DHRS7B: variants seen among roughly 807,000 people sequenced by gnomAD.
DHRS7B encodes the protein dehydrogenase/reductase 7B.
In DHRS7B, 24 loss-of-function variants were observed where a neutral mutation model predicts 26.4. That is an observed-to-expected ratio of 0.91 (90% confidence interval 0.66 to 1.28). The LOEUF (loss-of-function observed/expected upper bound fraction) is 1.28, where lower values mean the gene tolerates loss of function less well. Among genes scored for constraint, DHRS7B ranks in the 50% most tolerant of loss-of-function variants. DHRS7B has a pLI of 0.00. For missense variants in DHRS7B, 368 were observed against 419.4 expected (o/e 0.88, Z 1.07); for synonymous variants, 142 against 166.4 (o/e 0.85, Z 1.13).
chr17:21,132,550 CAA>C (rs1053748217), intron 1 of DHRS7B, among the ~76,000 whole-genome samples: 1 of 98,086 alleles, frequency 1.0e-5, no homozygotes, highest in Non-Finnish European at 2.1e-5. Context: ...AAAAAAAAAA[CAA>C]AAAAAAAACA....
intron 1 of DHRS7B, among the ~76,000 whole-genome samples, chr17:21,139,979 T>C (rs761747265): frequency 3.3e-5 from 5 of 151,302 alleles, no homozygotes; most frequent in Non-Finnish European, 7.4e-5. Flanking sequence ...GTACATTTTG[T>C]AGATTCATAG....
chr17:21,130,161 G>T (rs1360860702), intron 1 of DHRS7B, among the ~76,000 whole-genome samples: 2 of 152,246 alleles, frequency 1.3e-5, no homozygotes, highest in Admixed American at 1.3e-4. Flanking sequence ...ACTTTGGGAG[G>T]CTGAGGAGGG....
At chr17:21,142,562 C>G (rs1567617620) in intron 1 of DHRS7B, among the ~76,000 whole-genome samples, 1 of 152,108 alleles carries the variant, frequency 6.6e-6, no homozygotes, top group Non-Finnish European at 1.5e-5. Flanking sequence ...GGTTGGGGAA[C>G]AGCTTAGTTT....
Position 21,150,237 on chromosome 17 carries a change from T to A in DHRS7B, c.21-21781T>A, listed in dbSNP as rs1310255525. 2.6e-5 allele frequency among the ~76,000 whole-genome samples: 4 copies of A among 151,730 alleles called. No homozygotes were observed. The East Asian group carries it at 7.7e-4, about 29-fold the overall frequency. ...GTAAATCTCCTAGAAAACCAACCTA[T>A]TAAAAAAGTATGAAACAGGATGAAA... On this transcript the variant is annotated intron_variant, in intron 1 of 6. Transcript: ENST00000395511.
chr17:21,165,473 G>A (rs1294943176), intron 1 of DHRS7B, among the ~76,000 whole-genome samples: 1 of 151,908 alleles, frequency 6.6e-6, no homozygotes, highest in Non-Finnish European at 1.5e-5. Flanking sequence ...CTACAGGCGC[G>A]TGCCACCATG....
chr17:21,184,361 C>G lies in DHRS7B; in HGVS notation c.527-10C>G. The G allele has an allele frequency of 6.2e-7, 1 of 1,611,354 alleles. No homozygotes were observed. The highest frequency in any genetic ancestry group is 8.5e-7 in the Non-Finnish European group (1 of 1,179,084). On this transcript the variant is annotated splice_polypyrimidine_tract_variant and intron_variant, in intron 4 of 6. Transcript: ENST00000395511. ...AGGGCGCTTGCCTAAGCCTCTGCAT[C>G]TGTCCTCAGCACTCCTGCCCTCCAT...
intron 2 of DHRS7B, among the ~76,000 whole-genome samples, chr17:21,177,652 C>T (rs896077175): frequency 6.6e-5 from 10 of 152,322 alleles, no homozygotes; most frequent in Middle Eastern, 6.8e-3. Context: ...TTGTTAGACC[C>T]TCCACCTTCT....
At chr17:21,171,838 A>G in intron 1 of DHRS7B, 180 bp from the exon 2 acceptor site, 1 of 766,682 alleles carries the variant, frequency 1.3e-6, no homozygotes, top group Non-Finnish European at 2.3e-6. Context: ...AGAGGAAGAA[A>G]GTTCTACAAT....
intron 1 of DHRS7B, among the ~76,000 whole-genome samples, chr17:21,136,466 C>G (rs1339386988): frequency 6.6e-6 from 1 of 151,280 alleles, no homozygotes. Flanking sequence ...GAGCCGAGAT[C>G]ACACCTTTGC....
At chr17:21,147,790 G>A (rs1973673935) in intron 1 of DHRS7B, among the ~76,000 whole-genome samples, 1 of 152,318 alleles carries the variant, frequency 6.6e-6, no homozygotes, top group East Asian at 1.9e-4. Context: ...AGGCAGGTCT[G>A]CCATCCCCAG....
intron 1 of DHRS7B, among the ~76,000 whole-genome samples, chr17:21,143,340 G>A (rs1318107454): frequency 1.3e-5 from 2 of 152,172 alleles, no homozygotes; most frequent in Non-Finnish European, 2.9e-5. Flanking sequence ...GGGATTACAG[G>A]CGTGAGCCAC....
intron 3 of DHRS7B, among the ~76,000 whole-genome samples, chr17:21,181,604 T>C (rs1441000460): frequency 6.6e-6 from 1 of 152,220 alleles, no homozygotes; most frequent in Admixed American, 6.5e-5. Flanking sequence ...AATCCATTCA[T>C]GAAGTTCCCA....
chr17:21,142,865 C>G (rs898978520), intron 1 of DHRS7B, among the ~76,000 whole-genome samples: 1 of 152,182 alleles, frequency 6.6e-6, no homozygotes, highest in Admixed American at 6.5e-5. Flanking sequence ...TGAGCAGTTC[C>G]TAGCTTGAAG....
rs766121336 is a variant in DHRS7B, at chr17:21,172,129, G to A, written c.132G>A (p.Val44=). The A allele has an allele frequency of 2.7e-5, 43 of 1,614,126 alleles. No homozygotes were observed. The East Asian group carries it at 5.6e-4, about 21-fold the overall frequency. ...VFGLFRLLQW[V]RGKAYLRNAV... is the part of the protein sequence containing the mutation. Reference sequence around the variant, plus strand: ...GCCTCTTCCGGCTGCTGCAGTGGGTGCGCGGGAAGGCCTACCTGCGGAATG... The same window carrying A: ...GCCTCTTCCGGCTGCTGCAGTGGGTACGCGGGAAGGCCTACCTGCGGAATG... Residue 44 remains valine, a synonymous_variant, in exon 2 of 7, where the codon GTG becomes GTA. Transcript: ENST00000395511.
At chr17:21,178,103 G>T in intron 2 of DHRS7B, 130 bp from the exon 3 acceptor site, 2 of 823,738 alleles carry the variant, frequency 2.4e-6, no homozygotes, top group Non-Finnish European at 3.9e-6. Context: ...CCAGCTTCAT[G>T]CTGGGCCACA....
At chr17:21,177,032 C>T (rs1032809488) in intron 2 of DHRS7B, among the ~76,000 whole-genome samples, 2 of 152,100 alleles carry the variant, frequency 1.3e-5, no homozygotes, top group Admixed American at 6.5e-5. Flanking sequence ...TAGAGTAGTC[C>T]TCCACCCCCA....
At chr17:21,175,137 G>C (rs1462088873) in intron 2 of DHRS7B, among the ~76,000 whole-genome samples, 1 of 152,238 alleles carries the variant, frequency 6.6e-6, no homozygotes, top group African/African-American at 2.4e-5. Flanking sequence ...ATGAGCAAAT[G>C]CTGTGTGGGG....
chr17:21,189,386 C>T (rs1050798669), intron 6 of DHRS7B, among the ~76,000 whole-genome samples: 1 of 152,206 alleles, frequency 6.6e-6, no homozygotes, highest in Non-Finnish European at 1.5e-5. Flanking sequence ...AGTCACCACT[C>T]GCGGGCAGAG....
At chr17:21,151,838 G>T (rs1973778567) in intron 1 of DHRS7B, among the ~76,000 whole-genome samples, 1 of 152,188 alleles carries the variant, frequency 6.6e-6, no homozygotes, top group Non-Finnish European at 1.5e-5. Context: ...CGTTGGAGAT[G>T]GGGTATGGTG....
Sources: allele counts gnomAD v4.1 joint callset (sites outside exome capture counted in the v4.1 genomes callset), GRCh38; gene constraint gnomAD v4.1.1; transcripts MANE v1.5; gene names NCBI Gene and HGNC (gene_info 2026-07-23, HGNC 2026-07-21).